ACBD6: variants seen among roughly 807,000 people sequenced by gnomAD.
The protein encoded by ACBD6 is acyl-CoA binding domain containing 6.
A neutral mutation model predicts 37.2 loss-of-function variants in ACBD6; 28 were observed. The observed-to-expected ratio is 0.75, with a 90% CI of 0.56 to 1.03. The LOEUF (loss-of-function observed/expected upper bound fraction) is 1.03, where lower values mean the gene tolerates loss of function less well. ACBD6 is among the 50% of genes least tolerant of loss of function. ACBD6 has a pLI of 0.00. For missense variants in ACBD6, 340 were observed against 337.4 expected (o/e 1.01, Z -0.06); for synonymous variants, 113 against 126.8 (o/e 0.89, Z 0.73).
At chr1:180,479,627 C>T (rs574109389) in intron 3 of ACBD6, among the ~76,000 whole-genome samples, 4 of 152,054 alleles carry the variant, frequency 2.6e-5, no homozygotes, top group African/African-American at 9.7e-5. Context: ...TACAGATACC[C>T]GAAATGCCCT....
chr1:180,328,482 C>CA (rs1355260676), intron 6 of ACBD6, among the ~76,000 whole-genome samples: 1 of 151,508 alleles, frequency 6.6e-6, no homozygotes, highest in Non-Finnish European at 1.5e-5. Flanking sequence ...TCTACCATCT[C>CA]TACTAATGTC....
intron 3 of ACBD6, among the ~76,000 whole-genome samples, chr1:180,477,576 T>A (rs67623108): frequency 0.11 from 16,119 of 151,478 alleles, 1,226 homozygotes; most frequent in African/African-American, 0.21. Context: ...TTAGAACGAA[T>A]TTTTTTTTCA....
chr1:180,415,898 G>C (rs187815851), intron 4 of ACBD6, among the ~76,000 whole-genome samples: 402 of 152,118 alleles, frequency 2.6e-3, no homozygotes, highest in African/African-American at 9.4e-3. Context: ...TTTGCTATGT[G>C]AATTTTTTGG....
chr1:180,297,753 T>G (rs1649980483), intron 7 of ACBD6, among the ~76,000 whole-genome samples: 1 of 152,194 alleles, frequency 6.6e-6, no homozygotes, highest in South Asian at 2.1e-4. Flanking sequence ...TTATTATCAT[T>G]TTTTGAGATG....
chr1:180,465,270 G>A (rs1650303432), intron 3 of ACBD6, among the ~76,000 whole-genome samples: 1 of 152,042 alleles, frequency 6.6e-6, no homozygotes, highest in Non-Finnish European at 1.5e-5. Context: ...CTATACATCT[G>A]ACAAGCTCTA....
chr1:180,470,281 A>C (rs535753506), intron 3 of ACBD6, among the ~76,000 whole-genome samples: 21 of 152,320 alleles, frequency 1.4e-4, no homozygotes, highest in Admixed American at 1.0e-3. Flanking sequence ...ACAGCAAAAA[A>C]AATACCCACA....
intron 6 of ACBD6, among the ~76,000 whole-genome samples, chr1:180,359,118 TTTCA>T (rs1652745369): frequency 6.6e-6 from 1 of 152,216 alleles, no homozygotes; most frequent in Non-Finnish European, 1.5e-5. Context: ...GATTACCTGA[TTTCA>T]TTCATTTAAC....
At chr1:180,346,450 T>C (rs1357399448) in intron 6 of ACBD6, among the ~76,000 whole-genome samples, 1 of 152,132 alleles carries the variant, frequency 6.6e-6, no homozygotes, top group Non-Finnish European at 1.5e-5. Flanking sequence ...GTGAATGTGA[T>C]GGGAAACCAC....
chr1:180,469,243 C>T (rs1328289596), intron 3 of ACBD6, among the ~76,000 whole-genome samples: 3 of 152,184 alleles, frequency 2.0e-5, no homozygotes, highest in Non-Finnish European at 4.4e-5. Context: ...CATCCCCTAA[C>T]TCTCCCCCTT....
At chr1:180,484,647 C>CA (rs1557889953) in intron 3 of ACBD6, among the ~76,000 whole-genome samples, 1 of 151,974 alleles carries the variant, frequency 6.6e-6, no homozygotes, top group African/African-American at 2.4e-5. Flanking sequence ...ATACACGTGT[C>CA]AGAGTAATAT....
intron 5 of ACBD6, among the ~76,000 whole-genome samples, chr1:180,401,173 C>T (rs931759041): frequency 2.0e-5 from 3 of 152,136 alleles, no homozygotes; most frequent in African/African-American, 4.8e-5. Context: ...CAGAAGACCA[C>T]GAACACTGGA....
chr1:180,450,039 G>A (rs1433971072), intron 3 of ACBD6, among the ~76,000 whole-genome samples: 1 of 148,734 alleles, frequency 6.7e-6, no homozygotes, highest in Non-Finnish European at 1.5e-5. Context: ...GTGGGAATAA[G>A]ATGTTGAATA....
chr1:180,291,065 C>T (rs1649688712), intron 7 of ACBD6, among the ~76,000 whole-genome samples: 5 of 152,184 alleles, frequency 3.3e-5, no homozygotes, highest in Admixed American at 3.3e-4. Context: ...GTGATCCATC[C>T]ACATTGCTTC....
chr1:180,335,771 C>G (rs1327191043), intron 6 of ACBD6, among the ~76,000 whole-genome samples: 1 of 145,750 alleles, frequency 6.9e-6, no homozygotes, highest in Admixed American at 6.9e-5. Flanking sequence ...AAACCCATCT[C>G]ACATGCAGTG....
exon 10 of ACBD6, chr1:180,274,719 T>G: frequency 9.6e-7 from 1 of 1,046,080 alleles, no homozygotes; most frequent in Non-Finnish European, 1.4e-6. Flanking sequence ...CGCTGATTCC[T>G]AGAAGGCTGT....
intron 6 of ACBD6, among the ~76,000 whole-genome samples, chr1:180,372,146 T>G (rs1413354733): frequency 6.6e-6 from 1 of 152,142 alleles, no homozygotes; most frequent in Non-Finnish European, 1.5e-5. Flanking sequence ...GAATTTAAGG[T>G]TATGAACAGA....
exon 10 of ACBD6, chr1:180,274,662 CG>C: frequency 7.1e-7 from 1 of 1,412,312 alleles, no homozygotes; most frequent in Admixed American, 2.3e-5. Flanking sequence ...TTTTAAGGAT[CG>C]AAAGTACGCC....
At chr1:180,391,224 T>C (rs1047969423) in intron 6 of ACBD6, among the ~76,000 whole-genome samples, 3 of 152,070 alleles carry the variant, frequency 2.0e-5, no homozygotes, top group Non-Finnish European at 4.4e-5. Context: ...ATAAAATTCT[T>C]AGAAGAAAAA....
At chr1:180,274,308 A>C (rs1241721035) in intron 10 of ACBD6, 2 of 1,614,230 alleles carry the variant, frequency 1.2e-6, no homozygotes, top group Non-Finnish European at 1.7e-6. Flanking sequence ...TCCTATCAGG[A>C]CTTGAGGGAT....
Sources: allele counts gnomAD v4.1 joint callset (sites outside exome capture counted in the v4.1 genomes callset), GRCh38; gene constraint gnomAD v4.1.1; transcripts MANE v1.5; gene names NCBI Gene and HGNC (gene_info 2026-07-23, HGNC 2026-07-21).